Variants in ATF2 observed in about 807,000 individuals in gnomAD.
ATF2 encodes cyclic AMP-dependent transcription factor ATF-2.
Under a neutral mutation model 60.6 loss-of-function variants are expected in ATF2, and 24 were observed. That is an observed-to-expected ratio of 0.40 (90% confidence interval 0.29 to 0.56). The LOEUF (loss-of-function observed/expected upper bound fraction) is 0.56, where lower values mean the gene tolerates loss of function less well. Among genes scored for constraint, ATF2 ranks in the 20% least tolerant of loss-of-function variants. The pLI is 0.54. For missense variants in ATF2, 433 were observed against 607.7 expected, an observed-to-expected ratio of 0.71 and a Z score of 3.02; for synonymous variants, 206 against 215.4, an observed-to-expected ratio of 0.96 and a Z score of 0.38.
At position 175,138,190 on chromosome 2, in the gene ATF2, C is replaced by T. The variant is rs879876380; in HGVS notation, c.-43-1704G>A. Among the ~76,000 whole-genome samples, 8 of 152,112 alleles carry T rather than the reference C, an allele frequency of 5.3e-5. No individual in the cohort carries two copies. The South Asian group carries it at 8.3e-4, about 16-fold the overall frequency. Reference sequence around the variant, plus strand: ...GTTCTAGGTAAAATTTTTTAGAAGTCGGCTTCTTTGATTTCTCTTAACTCT... The same window carrying T: ...GTTCTAGGTAAAATTTTTTAGAAGTTGGCTTCTTTGATTTCTCTTAACTCT... On this transcript the variant is annotated intron_variant, in intron 2 of 13. Coordinates refer to ENST00000264110, the MANE Select transcript of ATF2 (RefSeq NM_001880.4).
At chr2:175,153,406 T>C (rs768082865) in intron 1 of ATF2, among the ~76,000 whole-genome samples, 9 of 152,192 alleles carry the variant, frequency 5.9e-5, no homozygotes, top group African/African-American at 9.7e-5. Context: ...CTTGATGATA[T>C]AGCCTATTGC....
intron 12 of ATF2, among the ~76,000 whole-genome samples, chr2:175,087,052 A>C (rs1366457740): frequency 6.6e-6 from 1 of 152,146 alleles, no homozygotes; most frequent in Non-Finnish European, 1.5e-5. Flanking sequence ...CAGCCACAAA[A>C]AGACTTAATA....
chr2:175,133,305 A>C (rs1332751046), intron 3 of ATF2, among the ~76,000 whole-genome samples: 2 of 152,196 alleles, frequency 1.3e-5, no homozygotes, highest in Admixed American at 6.5e-5. Flanking sequence ...ATAAACATAC[A>C]AAGAAATGGA....
chr2:175,080,819 A>C, intron 12 of ATF2, 54 bp from the exon 13 acceptor site: 4 of 1,397,530 alleles, frequency 2.9e-6, no homozygotes, highest in Non-Finnish European at 4.0e-6. Context: ...ATTTTTTACT[A>C]TTTAAAACAA....
intron 12 of ATF2, among the ~76,000 whole-genome samples, chr2:175,083,425 G>A (rs575760610): frequency 5.8e-4 from 88 of 152,276 alleles, no homozygotes; most frequent in Middle Eastern, 3.4e-3. Context: ...AAATGGTGCT[G>A]GGAAAACTGG....
chr2:175,102,918 A>G lies in ATF2; in HGVS notation c.829-5325T>C, dbSNP rs10200747. Among the ~76,000 whole-genome samples, 211 of 152,300 alleles carry G rather than the reference A, an allele frequency of 1.4e-3. 2 individuals are homozygous for G. The highest frequency in any genetic ancestry group is 4.4e-3 in the African/African-American group (183 of 41,568). Reference sequence around the variant, plus strand: ...AAACAGACCAGTATTTTAATGTTTAATTTTCAGTGATGTAAAGTTCAACTA... The same window carrying G: ...AAACAGACCAGTATTTTAATGTTTAGTTTTCAGTGATGTAAAGTTCAACTA... On this transcript the variant is annotated intron_variant, in intron 10 of 13. Transcript: ENST00000264110.
intron 9 of ATF2, 46 bp from the exon 10 acceptor site, chr2:175,111,700 A>G: frequency 6.6e-7 from 1 of 1,518,496 alleles, no homozygotes; most frequent in Non-Finnish European, 9.1e-7. Context: ...ATATATTCAA[A>G]ATGAGATTTG....
At chr2:175,105,359 A>T (rs1695584157) in intron 10 of ATF2, among the ~76,000 whole-genome samples, 1 of 151,248 alleles carries the variant, frequency 6.6e-6, no homozygotes, top group Non-Finnish European at 1.5e-5. Flanking sequence ...AAAATAGCTC[A>T]TTGATAAAAT....
chr2:175,151,351 C>T (rs1180417579), intron 1 of ATF2, among the ~76,000 whole-genome samples, 193 bp from the exon 2 acceptor site: 3 of 152,088 alleles, frequency 2.0e-5, no homozygotes, highest in South Asian at 2.1e-4. Flanking sequence ...ATTGTCAATG[C>T]TCCAGGAAGA....
intron 6 of ATF2, 64 bp downstream of exon 6, chr2:175,118,187 A>G: frequency 6.3e-7 from 1 of 1,589,738 alleles, no homozygotes. Flanking sequence ...AAAAGCAGGA[A>G]GTATAAACTA....
At chr2:175,150,032 T>A (rs1215405593) in intron 2 of ATF2, among the ~76,000 whole-genome samples, 1 of 152,206 alleles carries the variant, frequency 6.6e-6, no homozygotes, top group Non-Finnish European at 1.5e-5. Flanking sequence ...GGAGCTTATA[T>A]TTTATGATGA....
chr2:175,078,092 C>T (rs1251354488), intron 13 of ATF2, among the ~76,000 whole-genome samples: 1 of 152,196 alleles, frequency 6.6e-6, no homozygotes, highest in Admixed American at 6.5e-5. Context: ...CTCAGCCTCC[C>T]AAGTAGCTGG....
chr2:175,092,223 C>A (rs913600616), intron 12 of ATF2, among the ~76,000 whole-genome samples: 3 of 140,774 alleles, frequency 2.1e-5, no homozygotes, highest in Non-Finnish European at 3.2e-5. Flanking sequence ...GACAGCAGGT[C>A]TCTTACCATC....
chr2:175,075,769 C>A (rs1693248054), intron 13 of ATF2, among the ~76,000 whole-genome samples: 1 of 152,180 alleles, frequency 6.6e-6, no homozygotes, highest in African/African-American at 2.4e-5. Context: ...AAGGTAATCA[C>A]CACTCTGACA....
chr2:175,135,233 T>C (rs761120177), intron 3 of ATF2, among the ~76,000 whole-genome samples: 12 of 152,062 alleles, frequency 7.9e-5, no homozygotes, highest in Non-Finnish European at 1.5e-4. Flanking sequence ...GATAGGAACT[T>C]CATAATGGTT....
intron 4 of ATF2, among the ~76,000 whole-genome samples, chr2:175,125,609 A>G (rs924740524): frequency 1.1e-4 from 17 of 152,142 alleles, no homozygotes; most frequent in African/African-American, 4.1e-4. Flanking sequence ...ATTTTAAGAA[A>G]CTAAGTAGAC....
chr2:175,118,437 A>C, intron 5 of ATF2, 68 bp from the exon 6 acceptor site: 1 of 1,310,726 alleles, frequency 7.6e-7, no homozygotes, highest in South Asian at 1.3e-5. Context: ...ATAGCTACTA[A>C]GTTAACAAAT....
intron 10 of ATF2, among the ~76,000 whole-genome samples, chr2:175,099,356 G>A (rs547884058): frequency 2.6e-5 from 4 of 152,030 alleles, no homozygotes; most frequent in Admixed American, 6.5e-5. Context: ...CACCCTCCTC[G>A]GCTCCTAAAG....
intron 12 of ATF2, among the ~76,000 whole-genome samples, chr2:175,090,690 A>C (rs1005162901): frequency 6.6e-6 from 1 of 152,158 alleles, no homozygotes; most frequent in Non-Finnish European, 1.5e-5. Context: ...TCAAATGTAG[A>C]GCTTAATTTA....
Sources: allele counts gnomAD v4.1 joint callset (sites outside exome capture counted in the v4.1 genomes callset), GRCh38; gene constraint gnomAD v4.1.1; transcripts MANE v1.5; gene names NCBI Gene and HGNC (gene_info 2026-07-23, HGNC 2026-07-21).